Variants in RBFA observed in about 807,000 individuals in gnomAD.
The protein encoded by RBFA is ribosome binding factor A.
In RBFA, 16 loss-of-function variants were observed where a neutral mutation model predicts 27.9. The observed-to-expected ratio is 0.57, with a 90% confidence interval of 0.39 to 0.87. The LOEUF (loss-of-function observed/expected upper bound fraction) is 0.87, where lower values mean the gene tolerates loss of function less well. RBFA is among the 40% of genes least tolerant of loss of function. The pLI, the probability that RBFA is intolerant of heterozygous loss-of-function variation, is 0.00. For missense variants in RBFA, 456 were observed against 432.1 expected (o/e 1.06, Z -0.49); for synonymous variants, 181 against 181.0 (o/e 1.00, Z 0.00).
chr18:80,039,734 A>G (rs940468677), intron 4 of RBFA, among the ~76,000 whole-genome samples: 1 of 152,206 alleles, frequency 6.6e-6, no homozygotes, highest in East Asian at 1.9e-4. Flanking sequence ...AACTGTGTCA[A>G]TGCTTTTAAA....
At chr18:80,034,804 CTG>C in intron 1 of RBFA, 151 bp downstream of exon 1, 1 of 877,662 alleles carries the variant, frequency 1.1e-6, no homozygotes, top group Non-Finnish European at 1.7e-6. Context: ...CTAGCTCTCA[CTG>C]TCAGCATTTG....
rs752545349 is a variant in RBFA at position 80,046,189 on chromosome 18, GA to G, written c.*38del. 1.3e-6 allele frequency: 2 copies of G among 1,599,282 alleles called. No homozygotes were observed. The highest frequency in any genetic ancestry group is 8.5e-7 in the Non-Finnish European group (1 of 1,171,064). The stretch of plus-strand genomic sequence containing the variant: ...GCTCTGCCCATCCCACATTTGCAGG[GA>G]AAAGCATTGGCACGCAACGCAGCAT... On this transcript the variant is annotated 3_prime_UTR_variant, in exon 7 of 7. Transcript: ENST00000306735.
intron 4 of RBFA, among the ~76,000 whole-genome samples, chr18:80,040,561 G>A (rs879779769): frequency 2.0e-5 from 3 of 152,124 alleles, no homozygotes; most frequent in African/African-American, 7.2e-5. Flanking sequence ...TTGTATTTCA[G>A]TGAGAGGAAG....
chr18:80,037,888 CA>C lies in RBFA; in HGVS notation c.378+395del, dbSNP rs56784827. 4.6e-3 allele frequency among the ~76,000 whole-genome samples: 677 copies of C among 145,630 alleles called. 2 individuals carry two copies. The highest frequency in any genetic ancestry group is 0.016 in the African/African-American group (611 of 38,404). ...TGGGTGACAGAGCGAGACTCCATCT[CA>C]AAAAAAAAAAAAGCCACTTTAGCAC... On this transcript the variant is annotated intron_variant, in intron 3 of 6. Coordinates refer to ENST00000306735, the MANE Select transcript of RBFA (RefSeq NM_024805.3).
chr18:80,037,617 C>T lies in RBFA; in HGVS notation c.378+111C>T, dbSNP rs1422999699. On this transcript the variant is annotated intron_variant, in intron 3 of 6. Transcript: ENST00000306735. ...AAAAAAAGACGCTTTAGACTGGGCGCGGTGGCTCACGCCTGTAATCCTAGC... is the reference window on the plus strand; with the variant it reads ...AAAAAAAGACGCTTTAGACTGGGCGTGGTGGCTCACGCCTGTAATCCTAGC... 1.6e-5 allele frequency: 15 copies of T among 927,938 alleles called. No individual in the cohort carries two copies. The South Asian group carries it at 1.7e-4, about 11-fold the overall frequency. The allele number at this position is 927,938 out of a possible 1,614,324, so 57.5% of individuals were successfully genotyped here. A position where few individuals can be genotyped will look rare whatever the true frequency, so the allele number is the denominator to read the frequency against.
chr18:80,039,908 A>G (rs2052005539), intron 4 of RBFA, among the ~76,000 whole-genome samples: 1 of 152,078 alleles, frequency 6.6e-6, no homozygotes, highest in African/African-American at 2.4e-5. Flanking sequence ...CATTGCAACT[A>G]TTTATATGTT....
At position 80,037,459 on chromosome 18, in the gene RBFA, C is replaced by T; in HGVS notation, c.331C>T (p.Pro111Ser). 6.2e-7 allele frequency: 1 copy of T among 1,614,092 alleles called. No homozygotes were observed. Among genetic ancestry groups the T allele is most frequent in the Non-Finnish European group, 8.5e-7 (1 of 1,179,978 alleles). The change falls in exon 3 of 7, where the codon CCT becomes TCT. Residue 111 changes from proline (P) to serine (S), a missense_variant. Pro to Ser is a moderately conservative substitution (Grantham distance 74). Transcript: ENST00000306735. ...GGCACTGACAGACCTGCTGTGTACCCCTGAAGTGAGTCAGGAGCTGTATGA... is the reference window on the plus strand; with the variant it reads ...GGCACTGACAGACCTGCTGTGTACCTCTGAAGTGAGTCAGGAGCTGTATGA... Reference protein sequence around the residue: ...YKALTDLLCTPEVSQELYDLN... With the variant: ...YKALTDLLCTSEVSQELYDLN...
At chr18:80,040,875 G>T (rs1196528267) in intron 4 of RBFA, among the ~76,000 whole-genome samples, 14 of 152,096 alleles carry the variant, frequency 9.2e-5, no homozygotes. Context: ...AGGATCCTGG[G>T]ACCAACAATT....
rs779784249 is a variant in RBFA at position 80,034,648 on chromosome 18, A to G, written c.153A>G (p.Lys51=). The G allele has an allele frequency of 1.2e-6, 2 of 1,608,378 alleles. No individual in the cohort carries two copies. Among genetic ancestry groups the G allele is most frequent in the South Asian group, 2.2e-5 (2 of 90,414 alleles). The part of the protein sequence containing the change: ...CKNWLKKFAS[K]TKKKVWYESP... Reference sequence around the variant, plus strand: ...ACTGGCTCAAGAAATTTGCCTCGAAAACCAAGTAATGCGGCGGGGGCGGTG... The same window carrying G: ...ACTGGCTCAAGAAATTTGCCTCGAAGACCAAGTAATGCGGCGGGGGCGGTG... Residue 51 remains lysine (K), a synonymous_variant, in exon 1 of 7, where the codon AAA becomes AAG. Transcript: ENST00000306735.
chr18:80,043,756 T>C (rs2052032123), intron 5 of RBFA, among the ~76,000 whole-genome samples: 1 of 152,112 alleles, frequency 6.6e-6, no homozygotes, highest in African/African-American at 2.4e-5. Flanking sequence ...TGAGGAGCAG[T>C]TTTCTTTTGT....
chr18:80,036,829 A>T, intron 2 of RBFA, 119 bp downstream of exon 2: 4 of 611,036 alleles, frequency 6.5e-6, no homozygotes. Flanking sequence ...GTCTATGTGG[A>T]TGCGACTGGA....
rs973440802 is a variant in RBFA at position 80,048,389 on chromosome 18, A to G, written c.*2234A>G. Among the ~76,000 whole-genome samples the G allele has an allele frequency of 6.6e-6, 1 of 152,162 alleles. No homozygotes were observed. The highest frequency in any genetic ancestry group is 2.4e-5 in the African/African-American group (1 of 41,446). On this transcript the variant is annotated 3_prime_UTR_variant, in exon 7 of 7. Transcript: ENST00000306735. ...TGTTAAAGAAGGAGAGAACGCCCTC[A>G]ATGGTGTGTCCTTTGCATACACACC...
Position 80,046,118 on chromosome 18 carries a change from CAG to C in RBFA, c.998_999del (p.Glu333GlyfsTer59). On this transcript the variant is annotated frameshift_variant, in exon 7 of 7. Transcript: ENST00000306735. LOFTEE classifies it low-confidence loss of function (END_TRUNC). Reference sequence around the variant, plus strand: ...GAGGCAGAGAGAGGAGGTGGCAGAACAGAGGATGGCCACAGCTGCGGAGCAAG... The same window carrying C: ...GAGGCAGAGAGAGGAGGTGGCAGAACAGGATGGCCACAGCTGCGGAGCAAG... 6.2e-7 allele frequency: 1 copy of C among 1,614,104 alleles called. No homozygotes were observed. The highest frequency in any genetic ancestry group is 8.5e-7 in the Non-Finnish European group (1 of 1,180,014).
chr18:80,045,460 C>T (rs1442793817), intron 6 of RBFA, among the ~76,000 whole-genome samples: 5 of 152,138 alleles, frequency 3.3e-5, no homozygotes, highest in Non-Finnish European at 4.4e-5. Flanking sequence ...CTCCTGACCT[C>T]GTGATCCGCC....
At chr18:80,040,834 T>G (rs191532872) in intron 4 of RBFA, among the ~76,000 whole-genome samples, 1 of 152,340 alleles carries the variant, frequency 6.6e-6, no homozygotes, top group East Asian at 1.9e-4. Context: ...CAAATGCTCT[T>G]TGGGATCTTC....
At chr18:80,043,709 C>T (rs1357471277) in intron 5 of RBFA, among the ~76,000 whole-genome samples, 9 of 152,204 alleles carry the variant, frequency 5.9e-5, no homozygotes. Flanking sequence ...GCTTGTGGGC[C>T]ATTGCCATGG....
chr18:80,044,327 T>C, intron 6 of RBFA, 42 bp downstream of exon 6: 1 of 1,530,194 alleles, frequency 6.5e-7, no homozygotes, highest in Non-Finnish European at 9.1e-7. Flanking sequence ...TGGGGTACAT[T>C]CCTGGGTGTG....
Position 80,050,527 on chromosome 18 carries a change from T to C in RBFA, c.*4372T>C, listed in dbSNP as rs1468122931. On this transcript the variant is annotated 3_prime_UTR_variant, in exon 7 of 7. Transcript: ENST00000306735. ...ATATTGTTTTAGTTATTTTTAAATATGCAATTAAATTGTTATTGACTATAG... is the reference window on the plus strand; with the variant it reads ...ATATTGTTTTAGTTATTTTTAAATACGCAATTAAATTGTTATTGACTATAG... 6.6e-6 allele frequency among the ~76,000 whole-genome samples: 1 copy of C among 152,224 alleles called. No individual in the cohort carries two copies. The highest frequency in any genetic ancestry group is 6.5e-5 in the Admixed American group (1 of 15,280).
In RBFA at chr18:80,050,417, A is replaced by G. The variant is rs2052088187; in HGVS notation, c.*4262A>G. ...GGGTACATGAGATGTTTTGATACAG[A>G]CATGCAATGTGAAAAAGCACATCAT... On this transcript the variant is annotated 3_prime_UTR_variant, in exon 7 of 7. Coordinates refer to ENST00000306735, the MANE Select transcript of RBFA (RefSeq NM_024805.3). Among the ~76,000 whole-genome samples the G allele has an allele frequency of 1.3e-5, 2 of 152,216 alleles. No individual in the cohort carries two copies. The highest frequency in any genetic ancestry group is 1.3e-4 in the Admixed American group (2 of 15,272).
Sources: allele counts gnomAD v4.1 joint callset (sites outside exome capture counted in the v4.1 genomes callset), GRCh38; gene constraint gnomAD v4.1.1; transcripts MANE v1.5; gene names NCBI Gene and HGNC (gene_info 2026-07-23, HGNC 2026-07-21).